The following ZMAT4 variants were observed in gnomAD, a reference collection of about 807,000 sequenced individuals.
ZMAT4 encodes the protein zinc finger matrin-type 4.
ZMAT4 carries 17 observed loss-of-function variants against 28.7 expected under a neutral mutation model. That is an observed-to-expected ratio of 0.59 (90% CI 0.41 to 0.89). The LOEUF is 0.89. Ranked by LOEUF, ZMAT4 falls within the 40% of genes least tolerant of loss-of-function variation. The pLI is 0.00. For synonymous variants in ZMAT4, 117 were observed against 109.2 expected (o/e 1.07, Z -0.44); for missense variants, 240 against 283.8 (o/e 0.85, Z 1.11).
At chr8:40,874,085 C>T (rs1817953905) in intron 1 of ZMAT4, among the ~76,000 whole-genome samples, 1 of 152,202 alleles carries the variant, frequency 6.6e-6, no homozygotes, top group Non-Finnish European at 1.5e-5. Flanking sequence ...ACACACTCAT[C>T]TTGCTGCTTC....
chr8:40,563,418 T>C (rs947769092), intron 6 of ZMAT4, among the ~76,000 whole-genome samples: 1 of 152,188 alleles, frequency 6.6e-6, no homozygotes, highest in African/African-American at 2.4e-5. Context: ...CCTTGCGGTA[T>C]CTGACACTTA....
chr8:40,695,405 G>A (rs1261550673), intron 4 of ZMAT4, among the ~76,000 whole-genome samples: 1 of 152,138 alleles, frequency 6.6e-6, no homozygotes, highest in Non-Finnish European at 1.5e-5. Flanking sequence ...TGGATGGGAG[G>A]GCAAGCTGCA....
At chr8:40,708,689 A>G (rs71519569) in intron 3 of ZMAT4, among the ~76,000 whole-genome samples, 155 of 133,608 alleles carry the variant, frequency 1.2e-3, no homozygotes, top group Non-Finnish European at 1.8e-3. Context: ...TCTGTCACCC[A>G]TGCTGCAGGG....
At chr8:40,544,033 A>C (rs1803120250) in intron 6 of ZMAT4, among the ~76,000 whole-genome samples, 1 of 152,170 alleles carries the variant, frequency 6.6e-6, no homozygotes, top group African/African-American at 2.4e-5. Flanking sequence ...TGGAGAGGGA[A>C]GGGCAGTCAG....
At chr8:40,701,738 G>A (rs892169369) in intron 3 of ZMAT4, among the ~76,000 whole-genome samples, 1 of 151,600 alleles carries the variant, frequency 6.6e-6, no homozygotes, top group African/African-American at 2.4e-5. Flanking sequence ...AGCTAGTCTC[G>A]AACTCCTGAC....
chr8:40,812,486 G>C (rs549888482), intron 2 of ZMAT4, among the ~76,000 whole-genome samples: 2 of 152,226 alleles, frequency 1.3e-5, no homozygotes, highest in East Asian at 3.9e-4. Flanking sequence ...TCCAAAACGA[G>C]GAAAACCTGA....
chr8:40,723,665 C>G (rs987944222), intron 3 of ZMAT4, among the ~76,000 whole-genome samples: 9 of 151,164 alleles, frequency 6.0e-5, no homozygotes, highest in Admixed American at 2.0e-4. Context: ...ATTTAGGAAT[C>G]TAACCAGATT....
At chr8:40,853,807 C>T (rs1275042556) in intron 1 of ZMAT4, among the ~76,000 whole-genome samples, 1 of 152,120 alleles carries the variant, frequency 6.6e-6, no homozygotes, top group Non-Finnish European at 1.5e-5. Flanking sequence ...CATCGTTAAG[C>T]AAGTAGTTTT....
intron 5 of ZMAT4, among the ~76,000 whole-genome samples, chr8:40,628,228 A>G (rs1244490582): frequency 6.6e-6 from 1 of 152,206 alleles, no homozygotes; most frequent in Non-Finnish European, 1.5e-5. Flanking sequence ...TTGAAGATAG[A>G]GAGACATATT....
chr8:40,704,087 C>T (rs866225692), intron 3 of ZMAT4, among the ~76,000 whole-genome samples: 10 of 152,236 alleles, frequency 6.6e-5, no homozygotes, highest in South Asian at 2.1e-4. Flanking sequence ...TCATCTGATA[C>T]CTTCTGCTAG....
chr8:40,885,808 C>T (rs567733654), intron 1 of ZMAT4, among the ~76,000 whole-genome samples: 34 of 152,348 alleles, frequency 2.2e-4, no homozygotes, highest in African/African-American at 5.1e-4. Context: ...GACCATCCCT[C>T]GCTGCCTTCA....
At chr8:40,827,527 A>G (rs1355960862) in intron 1 of ZMAT4, among the ~76,000 whole-genome samples, 1 of 152,012 alleles carries the variant, frequency 6.6e-6, no homozygotes, top group Non-Finnish European at 1.5e-5. Context: ...TGCCTCAAGT[A>G]CTCCAATCTC....
intron 5 of ZMAT4, among the ~76,000 whole-genome samples, chr8:40,612,805 G>GTTTTTTT (rs1491257030): frequency 2.1e-5 from 2 of 93,584 alleles, no homozygotes; most frequent in Non-Finnish European, 5.5e-5. Flanking sequence ...CTGTATTTTG[G>GTTTTTTT]TTTTTGTTTT....
chr8:40,541,856 A>T (rs1373657586), intron 6 of ZMAT4, among the ~76,000 whole-genome samples: 1 of 152,228 alleles, frequency 6.6e-6, no homozygotes, highest in Non-Finnish European at 1.5e-5. Context: ...ACTCCCCTTT[A>T]GCTCATGAGC....
At chr8:40,687,768 A>C (rs1329528541) in intron 4 of ZMAT4, among the ~76,000 whole-genome samples, 1 of 152,190 alleles carries the variant, frequency 6.6e-6, no homozygotes, top group East Asian at 1.9e-4. Flanking sequence ...TAGTTTTGCT[A>C]ACTGAAAATG....
chr8:40,821,294 A>G (rs558990015), intron 2 of ZMAT4, among the ~76,000 whole-genome samples: 72 of 152,170 alleles, frequency 4.7e-4, no homozygotes, highest in African/African-American at 1.6e-3. Flanking sequence ...TACCCCCGTA[A>G]CGCTTAGGCC....
chr8:40,865,395 TA>T (rs770807704), intron 1 of ZMAT4, among the ~76,000 whole-genome samples: 25 of 152,348 alleles, frequency 1.6e-4, no homozygotes, highest in Non-Finnish European at 2.9e-4. Context: ...CAGCCTGTGC[TA>T]GGCCGTGCAG....
intron 5 of ZMAT4, among the ~76,000 whole-genome samples, chr8:40,582,323 A>G (rs1209100363): frequency 1.3e-5 from 2 of 152,158 alleles, no homozygotes; most frequent in Non-Finnish European, 2.9e-5. Flanking sequence ...CCACATGGCA[A>G]TATCTGGTCT....
intron 5 of ZMAT4, among the ~76,000 whole-genome samples, chr8:40,641,666 C>T (rs1807032386): frequency 6.6e-6 from 1 of 152,132 alleles, no homozygotes. Context: ...GTTTCCTCTG[C>T]CCTCTTTTTT....
Sources: allele counts gnomAD v4.1 joint callset (sites outside exome capture counted in the v4.1 genomes callset), GRCh38; gene constraint gnomAD v4.1.1; transcripts MANE v1.5; gene names NCBI Gene and HGNC (gene_info 2026-07-23, HGNC 2026-07-21).